The following TSPAN15 variants were observed in gnomAD, a reference collection of about 807,000 sequenced individuals.
TSPAN15 encodes tetraspanin-15.
Under a neutral mutation model 34.5 loss-of-function variants are expected in TSPAN15, and 20 were observed. The observed-to-expected ratio is 0.58, with a 90% CI of 0.41 to 0.84. The LOEUF (loss-of-function observed/expected upper bound fraction) is 0.84, where lower values mean the gene tolerates loss of function less well. Ranked by LOEUF, TSPAN15 falls within the 40% of genes least tolerant of loss-of-function variation. The probability of loss-of-function intolerance (pLI) is 0.00; values close to 1 mark genes in which losing one functional copy is unlikely to be tolerated. For missense variants in TSPAN15, 313 were observed against 386.1 expected, an observed-to-expected ratio of 0.81 and a Z score of 1.59; for synonymous variants, 155 against 153.9, an observed-to-expected ratio of 1.01 and a Z score of -0.05.
intron 6 of TSPAN15, among the ~76,000 whole-genome samples, chr10:69,504,853 A>T (rs916022125): frequency 6.6e-6 from 1 of 151,942 alleles, no homozygotes; most frequent in Non-Finnish European, 1.5e-5. Flanking sequence ...GAGGATGGTA[A>T]CCCCCTCTGG....
the TSPAN15 span, among the ~76,000 whole-genome samples, chr10:69,533,134 T>C: frequency 2.0e-5 from 3 of 152,106 alleles, no homozygotes; most frequent in Non-Finnish European, 4.4e-5. Context: ...CTTAAAGAAC[T>C]AAAAGTAGCA....
At chr10:69,497,771 G>A (rs917510346) in intron 4 of TSPAN15, among the ~76,000 whole-genome samples, 2 of 152,158 alleles carry the variant, frequency 1.3e-5, no homozygotes, top group African/African-American at 2.4e-5. Flanking sequence ...GGAGGGGCTC[G>A]GCTAAGGGGA....
the TSPAN15 span, among the ~76,000 whole-genome samples, chr10:69,542,153 C>T: frequency 5.3e-5 from 8 of 152,224 alleles, no homozygotes; most frequent in Admixed American, 5.2e-4. Flanking sequence ...TTCAAATTTC[C>T]ACAGATCTCT....
At chr10:69,493,189 C>T (rs12414114) in intron 3 of TSPAN15, among the ~76,000 whole-genome samples, 20,104 of 152,234 alleles carry the variant, frequency 0.13, 1,740 homozygotes, top group Non-Finnish European at 0.18. Flanking sequence ...CTGGGGGCCT[C>T]TGGGAGGTGG....
chr10:69,530,810 CTCTCTCTCT>C, the TSPAN15 span, among the ~76,000 whole-genome samples: 5 of 68,642 alleles, frequency 7.3e-5, 1 homozygote, highest in Admixed American at 3.9e-4. Flanking sequence ...CTCTCTCTCT[CTCTCTCTCT>C]CTATATATAT....
the TSPAN15 span, among the ~76,000 whole-genome samples, chr10:69,547,753 A>G: frequency 6.6e-5 from 10 of 152,316 alleles, no homozygotes; most frequent in African/African-American, 2.4e-4. Context: ...AGAGACTCCA[A>G]GAACACATCA....
chr10:69,524,702 G>A, the TSPAN15 span, among the ~76,000 whole-genome samples: 3 of 143,508 alleles, frequency 2.1e-5, no homozygotes, highest in African/African-American at 7.6e-5. Flanking sequence ...TTCAGAATTC[G>A]ACAATTCAGT....
chr10:69,507,301 G>T lies in TSPAN15; in HGVS notation c.*323G>T. 1 of 1,270,694 alleles carries T rather than the reference G, an allele frequency of 7.9e-7. No individual in the cohort carries two copies. The highest frequency in any genetic ancestry group is 1.0e-6 in the Non-Finnish European group (1 of 997,920). The allele number at this position is 1,270,694 out of a possible 1,614,324, so 78.7% of individuals were successfully genotyped here. ...CTGCTCAGGGCCCATTTCATCTCTGGCAGTGCCTTGGCGGTGGTATTCAAG... is the reference window on the plus strand; with the variant it reads ...CTGCTCAGGGCCCATTTCATCTCTGTCAGTGCCTTGGCGGTGGTATTCAAG... On this transcript the variant is annotated 3_prime_UTR_variant, in exon 8 of 8. Coordinates refer to ENST00000373290, the MANE Select transcript of TSPAN15 (RefSeq NM_012339.5).
At chr10:69,548,151 G>C in the TSPAN15 span, among the ~76,000 whole-genome samples, 5,203 of 152,084 alleles carry the variant, frequency 0.034, 305 homozygotes, top group African/African-American at 0.12. Context: ...AATCAGAAAG[G>C]GGGGAAAGGA....
At chr10:69,534,344 A>G in the TSPAN15 span, among the ~76,000 whole-genome samples, 11 of 152,202 alleles carry the variant, frequency 7.2e-5, no homozygotes, top group Non-Finnish European at 1.3e-4. Flanking sequence ...CAGAAAGAAT[A>G]GAGAGACACC....
the TSPAN15 span, among the ~76,000 whole-genome samples, chr10:69,517,080 G>T: frequency 6.6e-6 from 1 of 152,180 alleles, no homozygotes; most frequent in Non-Finnish European, 1.5e-5. Flanking sequence ...TCCAGAAGGG[G>T]CATCTAAGGC....
chr10:69,500,952 G>C (rs1266500383), intron 5 of TSPAN15, among the ~76,000 whole-genome samples: 1 of 152,194 alleles, frequency 6.6e-6, no homozygotes, highest in Non-Finnish European at 1.5e-5. Flanking sequence ...TGGTGGTGGT[G>C]GAAGTGGCAA....
the TSPAN15 span, among the ~76,000 whole-genome samples, chr10:69,531,940 CA>C: frequency 0.065 from 6,287 of 97,270 alleles, 390 homozygotes; most frequent in African/African-American, 0.18. Context: ...CAAAACAAAA[CA>C]AAAAAAAAAC....
chr10:69,457,748 T>A (rs1841145951), intron 1 of TSPAN15, among the ~76,000 whole-genome samples: 1 of 152,102 alleles, frequency 6.6e-6, no homozygotes, highest in Non-Finnish European at 1.5e-5. Flanking sequence ...CACTTAAAGG[T>A]TAAGTGGCCT....
intron 1 of TSPAN15, among the ~76,000 whole-genome samples, chr10:69,452,441 G>A (rs1281414760): frequency 2.6e-5 from 4 of 152,210 alleles, no homozygotes; most frequent in African/African-American, 9.7e-5. Context: ...TCTGAAATGA[G>A]CACTTGCTGA....
At chr10:69,486,550 G>C (rs758871449) in intron 3 of TSPAN15, among the ~76,000 whole-genome samples, 1 of 152,164 alleles carries the variant, frequency 6.6e-6, no homozygotes, top group South Asian at 2.1e-4. Flanking sequence ...GTGATCCTCC[G>C]GCTTTAGCCT....
the TSPAN15 span, among the ~76,000 whole-genome samples, chr10:69,544,080 C>T: frequency 6.6e-6 from 1 of 152,056 alleles, no homozygotes; most frequent in South Asian, 2.1e-4. Context: ...GGCTTCCTCC[C>T]TGTGGAACAA....
intron 1 of TSPAN15, among the ~76,000 whole-genome samples, chr10:69,460,809 G>A (rs1841235754): frequency 6.6e-6 from 1 of 152,154 alleles, no homozygotes; most frequent in Non-Finnish European, 1.5e-5. Flanking sequence ...TCTTAGGAGA[G>A]GGAGGGCGGG....
chr10:69,480,139 C>A (rs1231699801), intron 1 of TSPAN15, among the ~76,000 whole-genome samples: 1 of 152,128 alleles, frequency 6.6e-6, no homozygotes, highest in African/African-American at 2.4e-5. Context: ...CACTGACTGC[C>A]TTTATGGAGA....
Sources: allele counts gnomAD v4.1 joint callset (sites outside exome capture counted in the v4.1 genomes callset), GRCh38; gene constraint gnomAD v4.1.1; transcripts MANE v1.5; gene names NCBI Gene and HGNC (gene_info 2026-07-23, HGNC 2026-07-21).